ASB3: variants seen among roughly 807,000 people sequenced by gnomAD.
The protein encoded by ASB3 is ankyrin repeat and SOCS box containing 3.
Under a neutral mutation model 54.5 loss-of-function variants are expected in ASB3, and 41 were observed. The ratio of observed to expected loss-of-function variants is 0.75; its 90% CI spans 0.59 to 0.98. The LOEUF is 0.98. ASB3 is among the 50% of genes least tolerant of loss of function. The pLI is 0.00. For missense variants in ASB3, 733 were observed against 620.0 expected (o/e 1.18, Z -1.94); for synonymous variants, 266 against 221.2 (o/e 1.20, Z -1.80).
intron 1 of ASB3, chr2:53,774,547 T>C: frequency 6.8e-7 from 1 of 1,481,058 alleles, no homozygotes; most frequent in Non-Finnish European, 9.0e-7. Context: ...GAGAATTAAC[T>C]TCAGTGCACA....
chr2:53,678,634 G>A (rs1668209184), intron 9 of ASB3, among the ~76,000 whole-genome samples: 1 of 152,184 alleles, frequency 6.6e-6, no homozygotes, highest in Admixed American at 6.5e-5. Flanking sequence ...AAATCCTGAT[G>A]TAACCCCTAC....
Position 53,728,701 on chromosome 2 carries a change from GATA to G in ASB3, c.604+8_604+10del. 1 of 1,586,904 alleles carries G rather than the reference GATA, an allele frequency of 6.3e-7. No individual in the cohort carries two copies. Among genetic ancestry groups the G allele is most frequent in the Non-Finnish European group, 8.6e-7 (1 of 1,166,596 alleles). On this transcript the variant is annotated splice_region_variant and intron_variant, in intron 5 of 9. Coordinates refer to ENST00000263634, the MANE Select transcript of ASB3 (RefSeq NM_016115.5). Reference sequence around the variant, plus strand: ...GATCTTAACAGTACAAAGGCTAATGGATAATCTTACCCGATGAAATAAGTATGC... The same window carrying G: ...GATCTTAACAGTACAAAGGCTAATGGATCTTACCCGATGAAATAAGTATGC...
chr2:53,723,391 G>C (rs1670817586), intron 5 of ASB3, among the ~76,000 whole-genome samples: 1 of 152,000 alleles, frequency 6.6e-6, no homozygotes, highest in South Asian at 2.1e-4. Context: ...ACATGAGAAA[G>C]TTCTTTAGTG....
intron 1 of ASB3, among the ~76,000 whole-genome samples, chr2:53,769,458 T>G (rs1313326601): frequency 2.6e-5 from 4 of 152,236 alleles, no homozygotes. Flanking sequence ...AAATGTACAG[T>G]GTGTTACAAA....
intron 1 of ASB3, chr2:53,767,814 C>T: frequency 6.5e-7 from 1 of 1,531,470 alleles, no homozygotes; most frequent in Admixed American, 2.0e-5. Context: ...ACTCGCTTAC[C>T]GGAGGCTTCA....
intron 4 of ASB3, 35 bp from the exon 5 acceptor site, chr2:53,728,882 A>C (rs1354005352): frequency 4.5e-6 from 7 of 1,551,532 alleles, no homozygotes; most frequent in South Asian, 2.5e-5. Flanking sequence ...ATAAGAAAAA[A>C]ACAAAGAAAA....
intron 3 of ASB3, among the ~76,000 whole-genome samples, chr2:53,741,012 T>C (rs1351854314): frequency 1.3e-5 from 2 of 152,202 alleles, no homozygotes; most frequent in African/African-American, 4.8e-5. Flanking sequence ...TCAGAAATTA[T>C]TCAACTTTTT....
chr2:53,704,348 A>T (rs1419805200), intron 7 of ASB3, among the ~76,000 whole-genome samples: 2 of 140,400 alleles, frequency 1.4e-5, no homozygotes, highest in African/African-American at 5.5e-5. Flanking sequence ...CCACAGAGCG[A>T]GAGACTGTCT....
intron 1 of ASB3, among the ~76,000 whole-genome samples, chr2:53,770,873 T>C (rs77538864): frequency 0.011 from 1,662 of 152,312 alleles, 29 homozygotes; most frequent in African/African-American, 0.038. Context: ...CATTTATGAA[T>C]GTAAAAGAAA....
chr2:53,778,661 T>C (rs1282692335), intron 1 of ASB3, among the ~76,000 whole-genome samples: 2 of 152,220 alleles, frequency 1.3e-5, no homozygotes, highest in Non-Finnish European at 2.9e-5. Flanking sequence ...ACTTGGCTTA[T>C]CTCATTTAGC....
At chr2:53,713,046 T>A (rs927069204) in intron 7 of ASB3, among the ~76,000 whole-genome samples, 1 of 152,150 alleles carries the variant, frequency 6.6e-6, no homozygotes, top group African/African-American at 2.4e-5. Flanking sequence ...CTAAAATGTA[T>A]AAGTTTAAGA....
At chr2:53,719,141 T>C (rs905082668) in intron 5 of ASB3, among the ~76,000 whole-genome samples, 12 of 152,104 alleles carry the variant, frequency 7.9e-5, no homozygotes, top group Non-Finnish European at 1.2e-4. Context: ...GCCAGGATGG[T>C]CTTGATCTCT....
intron 7 of ASB3, among the ~76,000 whole-genome samples, chr2:53,708,624 TA>T (rs1388363629): frequency 6.6e-6 from 1 of 152,160 alleles, no homozygotes; most frequent in African/African-American, 2.4e-5. Context: ...GAAGACTGGT[TA>T]AATGGTTGTC....
chr2:53,677,047 G>A (rs1224469121), intron 9 of ASB3, among the ~76,000 whole-genome samples: 1 of 152,200 alleles, frequency 6.6e-6, no homozygotes, highest in Non-Finnish European at 1.5e-5. Context: ...GGGATTACAG[G>A]TGTGAGCCAC....
chr2:53,699,609 G>T (rs1338576601), intron 8 of ASB3, among the ~76,000 whole-genome samples: 1 of 152,218 alleles, frequency 6.6e-6, no homozygotes, highest in South Asian at 2.1e-4. Flanking sequence ...TTTTCCTGAA[G>T]ACTTCCATTT....
At chr2:53,725,342 C>T (rs1670936848) in intron 5 of ASB3, among the ~76,000 whole-genome samples, 1 of 152,170 alleles carries the variant, frequency 6.6e-6, no homozygotes, top group Non-Finnish European at 1.5e-5. Flanking sequence ...GTACTATGCC[C>T]ACTGTCTAAG....
At chr2:53,734,918 GTTTTTTTTT>G (rs35847412) in intron 3 of ASB3, among the ~76,000 whole-genome samples, 2 of 119,674 alleles carry the variant, frequency 1.7e-5, no homozygotes, top group African/African-American at 3.3e-5. Context: ...CTTTATACAA[GTTTTTTTTT>G]TTTTTTTTTT....
At chr2:53,716,822 T>A in intron 5 of ASB3, 79 bp from the exon 6 acceptor site, 1 of 1,459,500 alleles carries the variant, frequency 6.9e-7, no homozygotes, top group South Asian at 1.5e-5. Flanking sequence ...GGAACTACCA[T>A]AAAAGGGTTT....
intron 6 of ASB3, among the ~76,000 whole-genome samples, chr2:53,714,811 A>G (rs1179012103): frequency 6.6e-6 from 1 of 152,194 alleles, no homozygotes; most frequent in Non-Finnish European, 1.5e-5. Flanking sequence ...TACATTTGAA[A>G]CAAAATTAAT....
Sources: allele counts gnomAD v4.1 joint callset (sites outside exome capture counted in the v4.1 genomes callset), GRCh38; gene constraint gnomAD v4.1.1; transcripts MANE v1.5; gene names NCBI Gene and HGNC (gene_info 2026-07-23, HGNC 2026-07-21).